Variants in UBXN11 observed in about 807,000 individuals in gnomAD.
UBXN11 encodes the protein UBX domain-containing protein 11.
In UBXN11, 47 loss-of-function variants were observed where a neutral mutation model predicts 62.8. The observed-to-expected ratio is 0.75, with a 90% confidence interval of 0.59 to 0.95. UBXN11 has a LOEUF of 0.95. UBXN11 is among the 40% of genes least tolerant of loss of function. The pLI, the probability that UBXN11 is intolerant of heterozygous loss-of-function variation, is 0.00. For synonymous variants in UBXN11, 294 were observed against 267.0 expected, an observed-to-expected ratio of 1.10 and a Z score of -0.99; for missense variants, 638 against 661.7, an observed-to-expected ratio of 0.96 and a Z score of 0.39.
intron 4 of UBXN11, 61 bp from the exon 5 acceptor site, chr1:26,298,123 GA>G: frequency 6.5e-7 from 1 of 1,537,562 alleles, no homozygotes; most frequent in Non-Finnish European, 8.8e-7. Context: ...TTGTGGGGGG[GA>G]GGGAGGAGGA....
At chr1:26,305,254 C>A (rs372841143) in intron 1 of UBXN11, among the ~76,000 whole-genome samples, 164 of 152,240 alleles carry the variant, frequency 1.1e-3, no homozygotes, top group African/African-American at 3.6e-3. Flanking sequence ...GCGTGAGCCA[C>A]CCCACCTGGC....
Position 26,285,871 on chromosome 1 carries a change from G to C in UBXN11, c.726C>G (p.Ile242Met). The change falls in exon 9 of 15, where the codon ATC becomes ATG. Residue 242 changes from isoleucine to methionine, a missense_variant. Ile to Met is a conservative substitution (Grantham distance 10). Coordinates refer to ENST00000374222, the MANE Select transcript of UBXN11 (RefSeq NM_001389556.1). ...PIPLKLYRNG[I>M]MMFDGPFQPF... ...GCTGGAAGGGCCCGTCGAACATCATGATGCCATTCCGGTAGAGCTTCAGCG... is the reference window on the plus strand; with the variant it reads ...GCTGGAAGGGCCCGTCGAACATCATCATGCCATTCCGGTAGAGCTTCAGCG... 1 of 1,612,528 alleles carries C rather than the reference G, an allele frequency of 6.2e-7. No homozygotes were observed. The highest frequency in any genetic ancestry group is 8.5e-7 in the Non-Finnish European group (1 of 1,178,668).
At chr1:26,313,780 TTC>T (rs1237644295) in intron 1 of UBXN11, among the ~76,000 whole-genome samples, 1 of 120,784 alleles carries the variant, frequency 8.3e-6, no homozygotes, top group East Asian at 2.0e-4. Context: ...ATAATTTTTT[TTC>T]TTTTTTTTTT....
intron 10 of UBXN11, chr1:26,285,119 A>G: frequency 9.2e-7 from 1 of 1,082,746 alleles, no homozygotes; most frequent in Non-Finnish European, 1.1e-6. Flanking sequence ...ACTGCCTCCC[A>G]CCCTACCCAG....
At chr1:26,303,755 C>G (rs1284020297) in intron 1 of UBXN11, among the ~76,000 whole-genome samples, 1 of 151,202 alleles carries the variant, frequency 6.6e-6, no homozygotes, top group Non-Finnish European at 1.5e-5. Context: ...CGTAATAGTA[C>G]TGGCACAGGC....
At chr1:26,283,893 G>A (rs2073061385) in intron 12 of UBXN11, among the ~76,000 whole-genome samples, 2 of 152,194 alleles carry the variant, frequency 1.3e-5, no homozygotes, top group African/African-American at 4.8e-5. Context: ...GGGTGGCCTG[G>A]GCCTTGGGCT....
rs2073125634 is a variant in UBXN11, at chr1:26,286,053, G to C, written c.560-16C>G. On this transcript the variant is annotated splice_polypyrimidine_tract_variant and intron_variant, in intron 8 of 14. Transcript: ENST00000374222. ...AATGAGTCCCCTGGCAAAGAGGACA[G>C]ACACCTGTGAGCCGCCTTTTGGCTG... is the stretch of plus-strand genomic sequence containing the variant. 1 of 1,583,836 alleles carries C rather than the reference G, an allele frequency of 6.3e-7. No individual in the cohort carries two copies.
chr1:26,305,497 C>A (rs1387987248), intron 1 of UBXN11, among the ~76,000 whole-genome samples: 1 of 152,076 alleles, frequency 6.6e-6, no homozygotes, highest in East Asian at 1.9e-4. Flanking sequence ...ACCCTCCAGC[C>A]CCCACCCCTT....
chr1:26,295,449 C>A (rs1443355904), intron 7 of UBXN11, among the ~76,000 whole-genome samples: 1 of 152,202 alleles, frequency 6.6e-6, no homozygotes, highest in African/African-American at 2.4e-5. Context: ...CAGAAGCCTT[C>A]CAATGGCTTC....
intron 7 of UBXN11, among the ~76,000 whole-genome samples, chr1:26,296,050 G>A (rs2073384147): frequency 6.6e-6 from 1 of 152,248 alleles, no homozygotes; most frequent in Non-Finnish European, 1.5e-5. Flanking sequence ...TTGCTGCCAA[G>A]GTTTTAAATT....
chr1:26,304,888 C>G (rs2073625892), intron 1 of UBXN11, among the ~76,000 whole-genome samples: 1 of 150,944 alleles, frequency 6.6e-6, no homozygotes, highest in Non-Finnish European at 1.5e-5. Flanking sequence ...TGTGTATCCC[C>G]CCTGCCTCAA....
At chr1:26,291,569 G>A (rs1037756814) in intron 8 of UBXN11, among the ~76,000 whole-genome samples, 10 of 152,316 alleles carry the variant, frequency 6.6e-5, no homozygotes, top group African/African-American at 2.4e-4. Flanking sequence ...CACCTGGCAA[G>A]GAGCAAGGAG....
intron 1 of UBXN11, among the ~76,000 whole-genome samples, chr1:26,312,991 AAAAAAAAAAAAAAG>A (rs1557694791): frequency 2.0e-5 from 3 of 150,204 alleles, no homozygotes; most frequent in African/African-American, 7.3e-5. Flanking sequence ...AAAAAAAAAA[AAAAAAAAAAAAAAG>A]AGTGAATGAG....
chr1:26,294,408 C>A, intron 7 of UBXN11, 77 bp from the exon 8 acceptor site: 1 of 1,568,466 alleles, frequency 6.4e-7, no homozygotes, highest in South Asian at 1.2e-5. Context: ...CAGCCCAAAG[C>A]CCAGCCTCAG....
At position 26,301,714 on chromosome 1, in the gene UBXN11, C is replaced by A. The variant is rs1254218129; in HGVS notation, c.80G>T (p.Gly27Val). 1 of 1,613,840 alleles carries A rather than the reference C, an allele frequency of 6.2e-7. No homozygotes were observed. Among genetic ancestry groups the A allele is most frequent in the African/African-American group, 1.3e-5 (1 of 74,906 alleles). Residue 27 changes from glycine to valine, a missense_variant, in exon 3 of 15, where the codon GGA (glycine) becomes GTA (valine). Transcript: ENST00000374222. Reference sequence around the variant, plus strand: ...CTTACCATCTCCATAGATGCGGATTCCTCGCCTCCTGGGAACCCAGGCAGG... The same window carrying A: ...CTTACCATCTCCATAGATGCGGATTACTCGCCTCCTGGGAACCCAGGCAGG... The part of the protein sequence containing the change: ...PSEPMNPGRR[G>V]IRIYGDEDEV...
At chr1:26,283,069 T>C (rs2073039093) in intron 12 of UBXN11, 132 bp from the exon 13 acceptor site, 2 of 1,171,156 alleles carry the variant, frequency 1.7e-6, no homozygotes, top group African/African-American at 1.5e-5. Flanking sequence ...GTGTTCTGTA[T>C]AAACCAAGGC....
Position 26,297,133 on chromosome 1 carries a change from C to T in UBXN11, c.356-138G>A, listed in dbSNP as rs1365147899. 3 of 1,052,024 alleles carry T rather than the reference C, an allele frequency of 2.9e-6. No individual in the cohort carries two copies. The East Asian group carries it at 7.8e-5, about 27-fold the overall frequency. The allele number at this position is 1,052,024 out of a possible 1,614,324, so 65.2% of individuals were successfully genotyped here. A position where few individuals can be genotyped will look rare whatever the true frequency, so the allele number is the denominator to read the frequency against. On this transcript the variant is annotated intron_variant, in intron 6 of 14. Coordinates refer to ENST00000374222, the MANE Select transcript of UBXN11 (RefSeq NM_001389556.1). ...TCTTGGCCCCCCACCTCTCTGGCCTCTCCTCTGACCCCGTGGCGGTGCCTT... is the reference window on the plus strand; with the variant it reads ...TCTTGGCCCCCCACCTCTCTGGCCTTTCCTCTGACCCCGTGGCGGTGCCTT...
At chr1:26,293,962 C>CT (rs1491042253) in intron 8 of UBXN11, among the ~76,000 whole-genome samples, 1 of 152,082 alleles carries the variant, frequency 6.6e-6, no homozygotes, top group Non-Finnish European at 1.5e-5. Flanking sequence ...CTCTGGGTCT[C>CT]TGACAGATGA....
At position 26,312,979 on chromosome 1, in the gene UBXN11, C is replaced by CA. The variant is rs55777309; in HGVS notation, c.-149+5067dup. Among the ~76,000 whole-genome samples, 113 of 48,136 alleles carry CA rather than the reference C, an allele frequency of 2.3e-3. 6 individuals are homozygous for CA. The highest frequency in any genetic ancestry group is 0.014 in the East Asian group (13 of 936). 31.6% of individuals were successfully genotyped at this position (48,136 alleles called of 152,430 possible). On this transcript the variant is annotated intron_variant, in intron 1 of 14. Transcript: ENST00000374217. ...GGGCAACAAGAGCAAAACTCTGTCT[C>CA]AAAAAAAAAAAAAAAAAAAAAAAAA...
Sources: allele counts gnomAD v4.1 joint callset (sites outside exome capture counted in the v4.1 genomes callset), GRCh38; gene constraint gnomAD v4.1.1; transcripts MANE v1.5; gene names NCBI Gene and HGNC (gene_info 2026-07-23, HGNC 2026-07-21).